TMEM132D: variants seen among roughly 807,000 people sequenced by gnomAD.
The protein encoded by TMEM132D is transmembrane protein 132D, also known as mature OL transmembrane protein.
In TMEM132D, 21 loss-of-function variants were observed where a neutral mutation model predicts 62.3. That is an observed-to-expected ratio of 0.34 (90% CI 0.24 to 0.49). The LOEUF (loss-of-function observed/expected upper bound fraction) is 0.49, where lower values mean the gene tolerates loss of function less well. TMEM132D is among the 20% of genes least tolerant of loss of function. The probability of loss-of-function intolerance (pLI) is 0.99; values close to 1 mark genes in which losing one functional copy is unlikely to be tolerated. For synonymous variants in TMEM132D, 621 were observed against 575.6 expected (o/e 1.08, Z -1.13); for missense variants, 1,346 against 1,402.8 (o/e 0.96, Z 0.65).
chr12:129,794,088 CTTTTT>C (rs1303892006), intron 1 of TMEM132D, among the ~76,000 whole-genome samples: 2 of 128,274 alleles, frequency 1.6e-5, no homozygotes, highest in African/African-American at 5.7e-5. Flanking sequence ...TTTTTTTTTT[CTTTTT>C]TTTAATTTTT....
At chr12:129,361,661 A>G (rs1870252557) in intron 3 of TMEM132D, among the ~76,000 whole-genome samples, 1 of 152,216 alleles carries the variant, frequency 6.6e-6, no homozygotes, top group African/African-American at 2.4e-5. Context: ...ACACAAGACA[A>G]TAACATGCAA....
At chr12:129,459,530 A>G (rs964234878) in intron 3 of TMEM132D, among the ~76,000 whole-genome samples, 10 of 152,174 alleles carry the variant, frequency 6.6e-5, no homozygotes, top group African/African-American at 2.4e-4. Context: ...GGGAATACTT[A>G]TTTTGAACAA....
rs115823356 is a variant in TMEM132D at position 129,240,161 on chromosome 12, G to A, written c.1300-30498C>T. On this transcript the variant is annotated intron_variant, in intron 4 of 8. Coordinates refer to ENST00000422113, the MANE Select transcript of TMEM132D (RefSeq NM_133448.3). ...TAAAACAGCAATGAGCAGTAATCCC[G>A]CCACTCAGAGCCACTGCTAAAGTTT... Among the ~76,000 whole-genome samples the A allele has an allele frequency of 7.9e-3, 1,206 of 152,252 alleles. 21 individuals are homozygous for A. Among genetic ancestry groups the A allele is most frequent in the African/African-American group, 0.027 (1,121 of 41,538 alleles).
intron 3 of TMEM132D, among the ~76,000 whole-genome samples, chr12:129,458,448 A>T (rs1873550440): frequency 1.3e-5 from 2 of 150,200 alleles, no homozygotes; most frequent in Non-Finnish European, 1.5e-5. Flanking sequence ...TGATAATGAT[A>T]CCATAAGACA....
At chr12:129,664,421 ATTTTTTTT>A (rs34308998) in intron 2 of TMEM132D, among the ~76,000 whole-genome samples, 5 of 114,224 alleles carry the variant, frequency 4.4e-5, no homozygotes, top group East Asian at 2.7e-4. Context: ...AATTACAAGA[ATTTTTTTT>A]TTTTTTTTTT....
chr12:129,517,549 G>C (rs958533262), intron 3 of TMEM132D, among the ~76,000 whole-genome samples: 2 of 152,138 alleles, frequency 1.3e-5, no homozygotes, highest in Non-Finnish European at 2.9e-5. Flanking sequence ...CAGTTCTCTG[G>C]GATGGCAACT....
At chr12:129,286,604 C>T (rs1298481944) in intron 4 of TMEM132D, among the ~76,000 whole-genome samples, 1 of 152,206 alleles carries the variant, frequency 6.6e-6, no homozygotes, top group Non-Finnish European at 1.5e-5. Context: ...CTCAGCCTCT[C>T]TCATTCGTAG....
chr12:129,284,420 C>G, intron 4 of TMEM132D, among the ~76,000 whole-genome samples: 1 of 152,210 alleles, frequency 6.6e-6, no homozygotes, highest in Admixed American at 6.5e-5. Flanking sequence ...TAAAATAACT[C>G]TTTAATTTCT....
chr12:129,214,264 G>GT (rs11387906), intron 4 of TMEM132D, among the ~76,000 whole-genome samples: 96,370 of 151,640 alleles, frequency 0.64, 30,751 homozygotes, highest in East Asian at 0.68. Context: ...GAATTAGAGT[G>GT]CTTTTTATTT....
intron 1 of TMEM132D, among the ~76,000 whole-genome samples, chr12:129,764,907 C>G (rs972368228): frequency 6.6e-6 from 1 of 152,154 alleles, no homozygotes; most frequent in Non-Finnish European, 1.5e-5. Flanking sequence ...CACCATCACA[C>G]TCCAGCCTGG....
intron 1 of TMEM132D, among the ~76,000 whole-genome samples, chr12:129,757,508 C>A (rs887051746): frequency 6.6e-6 from 1 of 152,182 alleles, no homozygotes; most frequent in Non-Finnish European, 1.5e-5. Context: ...TGCCTACACA[C>A]CAGCTCCATT....
chr12:129,243,484 T>C (rs991332656), intron 4 of TMEM132D, among the ~76,000 whole-genome samples: 2 of 152,160 alleles, frequency 1.3e-5, no homozygotes, highest in Non-Finnish European at 1.5e-5. Context: ...GCTCTGGGGG[T>C]GCAGAGTCCG....
intron 3 of TMEM132D, among the ~76,000 whole-genome samples, chr12:129,449,912 A>C (rs888903539): frequency 2.0e-5 from 3 of 152,186 alleles, no homozygotes; most frequent in Non-Finnish European, 2.9e-5. Flanking sequence ...AGATTTTCAA[A>C]AACAATTTTG....
chr12:129,519,612 T>TTC (rs1262810663), intron 3 of TMEM132D, among the ~76,000 whole-genome samples: 1 of 149,766 alleles, frequency 6.7e-6, no homozygotes, highest in Non-Finnish European at 1.5e-5. Flanking sequence ...TAAGAATGCT[T>TTC]TTTTTTTTTT....
chr12:129,829,396 C>T (rs1187896380), intron 1 of TMEM132D, among the ~76,000 whole-genome samples: 1 of 152,084 alleles, frequency 6.6e-6, no homozygotes, highest in Admixed American at 6.6e-5. Flanking sequence ...AATCCAATTC[C>T]ACTACTGAGT....
intron 2 of TMEM132D, among the ~76,000 whole-genome samples, chr12:129,677,231 G>A (rs947064092): frequency 3.3e-5 from 5 of 152,134 alleles, no homozygotes; most frequent in Non-Finnish European, 7.3e-5. Context: ...GGTCTTTCCT[G>A]TGCTGTTCTC....
chr12:129,795,435 AT>A (rs1871534535), intron 1 of TMEM132D, among the ~76,000 whole-genome samples: 1 of 152,224 alleles, frequency 6.6e-6, no homozygotes, highest in African/African-American at 2.4e-5. Flanking sequence ...ATTGATAAAT[AT>A]TTAAAAAATT....
chr12:129,119,994 T>C (rs1876007315), intron 5 of TMEM132D, among the ~76,000 whole-genome samples: 1 of 151,518 alleles, frequency 6.6e-6, no homozygotes, highest in African/African-American at 2.4e-5. Flanking sequence ...GCTAAGGGTA[T>C]GTAGGAAGAG....
intron 4 of TMEM132D, among the ~76,000 whole-genome samples, chr12:129,267,603 C>G (rs1880730805): frequency 6.6e-6 from 1 of 152,220 alleles, no homozygotes; most frequent in Admixed American, 6.5e-5. Context: ...AATGGTCATA[C>G]TGCCCAAGGT....
Sources: allele counts gnomAD v4.1 joint callset (sites outside exome capture counted in the v4.1 genomes callset), GRCh38; gene constraint gnomAD v4.1.1; transcripts MANE v1.5; gene names NCBI Gene and HGNC (gene_info 2026-07-23, HGNC 2026-07-21).